The following ZNF586 variants were observed in gnomAD, a reference collection of about 807,000 sequenced individuals.
ZNF586 encodes the protein zinc finger protein 586.
In ZNF586, 7 loss-of-function variants were observed where a neutral mutation model predicts 6.7. The ratio of observed to expected loss-of-function variants is 1.04; its 90% confidence interval spans 0.59 to 1.95. ZNF586 has a LOEUF of 1.95. Among genes scored for constraint, ZNF586 ranks in the 30% most tolerant of loss-of-function variants. The pLI is 0.00. For missense variants in ZNF586, 442 were observed against 489.6 expected (o/e 0.90, Z 0.92); for synonymous variants, 166 against 168.7 (o/e 0.98, Z 0.12).
At chr19:57,775,016 T>C (rs77910681) in intron 1 of ZNF586, among the ~76,000 whole-genome samples, 1 of 151,492 alleles carries the variant, frequency 6.6e-6, no homozygotes, top group African/African-American at 2.4e-5. Context: ...TTTTTTTTTT[T>C]TGAGACGGAG....
rs916009708 is a variant in ZNF586, at chr19:57,779,972, G to C, written c.*176G>C. 8.4e-6 allele frequency: 5 copies of C among 596,726 alleles called. No individual in the cohort carries two copies. In the Middle Eastern group the frequency reaches 9.0e-4, roughly 107 times the overall value. 37.0% of individuals were successfully genotyped at this position (596,726 alleles called of 1,614,324 possible). A position where few individuals can be genotyped will look rare whatever the true frequency, so the allele number is the denominator to read the frequency against. ...GAAGTGCCTTTTGAGTGCAATGAATGTGAGAAAGCCTTCAGCCCTCTCTCA... is the reference window on the plus strand; with the variant it reads ...GAAGTGCCTTTTGAGTGCAATGAATCTGAGAAAGCCTTCAGCCCTCTCTCA... On this transcript the variant is annotated 3_prime_UTR_variant, in exon 3 of 3. Transcript: ENST00000396154.
At chr19:57,775,184 A>T (rs577285379) in intron 1 of ZNF586, among the ~76,000 whole-genome samples, 1 of 151,972 alleles carries the variant, frequency 6.6e-6, no homozygotes, top group Admixed American at 6.6e-5. Flanking sequence ...TTTAGTAGAG[A>T]CGGGGTTTCA....
intron 2 of ZNF586, among the ~76,000 whole-genome samples, chr19:57,778,073 CTT>C (rs35697388): frequency 1.1e-4 from 14 of 131,502 alleles, no homozygotes; most frequent in African/African-American, 2.8e-4. Context: ...AGTATATAAT[CTT>C]TTTTTTTTTT....
At chr19:57,774,128 A>G (rs1371286830) in intron 1 of ZNF586, among the ~76,000 whole-genome samples, 2 of 150,624 alleles carry the variant, frequency 1.3e-5, no homozygotes, top group Non-Finnish European at 2.9e-5. Context: ...AGACAGGAGA[A>G]TCGCTTGAAC....
chr19:57,771,559 A>G (rs1421302298), intron 1 of ZNF586, among the ~76,000 whole-genome samples: 1 of 152,184 alleles, frequency 6.6e-6, no homozygotes, highest in Non-Finnish European at 1.5e-5. Context: ...TCTGTCAACT[A>G]ATGTAACACA....
chr19:57,779,661 C>G lies in ZNF586; in HGVS notation c.1074C>G (p.Ser358=). The G allele has an allele frequency of 1.2e-6, 2 of 1,613,468 alleles. No homozygotes were observed. The highest frequency in any genetic ancestry group is 2.7e-5 in the African/African-American group (2 of 74,884). Residue 358 remains serine, a synonymous_variant, in exon 3 of 3, where the codon TCC becomes TCG. Coordinates refer to ENST00000396154, the MANE Select transcript of ZNF586 (RefSeq NM_017652.4). ...SDCGKSFAEN[S]SLIKHLRVHT... ...GTGGGAAATCCTTTGCTGAAAACTC[C>G]AGCCTTATTAAACACTTGAGAGTTC...
chr19:57,769,907 C>CCCCCCA, intron 1 of ZNF586, 29 bp downstream of exon 1: 5 of 1,496,630 alleles, frequency 3.3e-6, no homozygotes, highest in Non-Finnish European at 4.5e-6. Context: ...GGGCCTTACC[C>CCCCCCA]ACCCTACCCA....
In ZNF586 at chr19:57,779,450, G is replaced by C. The variant is rs767560068; in HGVS notation, c.863G>C (p.Arg288Thr). Reference sequence around the variant, plus strand: ...CATCAGAGAGTTCACACTAGAGAAAGGCCTTATGAATGTAGTGAATGTGGG... The same window carrying C: ...CATCAGAGAGTTCACACTAGAGAAACGCCTTATGAATGTAGTGAATGTGGG... Reference protein sequence around the residue: ...LQHQRVHTRERPYECSECGKS... With the variant: ...LQHQRVHTRETPYECSECGKS... Residue 288 changes from arginine to threonine, a missense_variant, in exon 3 of 3, where the codon AGG (arginine) becomes ACG (threonine). Coordinates refer to ENST00000396154, the MANE Select transcript of ZNF586 (RefSeq NM_017652.4). 1.2e-6 allele frequency: 2 copies of C among 1,614,098 alleles called. No individual in the cohort carries two copies. The highest frequency in any genetic ancestry group is 8.5e-7 in the Non-Finnish European group (1 of 1,180,044).
At chr19:57,776,985 G>C (rs1259661601) in intron 2 of ZNF586, among the ~76,000 whole-genome samples, 1 of 152,082 alleles carries the variant, frequency 6.6e-6, no homozygotes, top group Non-Finnish European at 1.5e-5. Flanking sequence ...CTCAAGTTCC[G>C]TTTCCCTCCT....
chr19:57,777,835 A>G (rs1439306187), intron 2 of ZNF586, among the ~76,000 whole-genome samples: 1 of 139,694 alleles, frequency 7.2e-6, no homozygotes, highest in Non-Finnish European at 1.5e-5. Flanking sequence ...GGCTCACTGC[A>G]ACCTCCGCCT....
At chr19:57,776,457 G>T in intron 1 of ZNF586, 86 bp from the exon 2 acceptor site, 1 of 1,481,248 alleles carries the variant, frequency 6.8e-7, no homozygotes, top group South Asian at 1.4e-5. Flanking sequence ...GGAGGAGGAT[G>T]GGCAAGGGTA....
chr19:57,773,815 T>C (rs1987156080), intron 1 of ZNF586, among the ~76,000 whole-genome samples: 1 of 152,200 alleles, frequency 6.6e-6, no homozygotes, highest in Non-Finnish European at 1.5e-5. Context: ...GGGTGTTTGA[T>C]TCAGCCTGGT....
Position 57,772,979 on chromosome 19 carries a change from C to G in ZNF586, c.36+3101C>G, listed in dbSNP as rs1473263697. On this transcript the variant is annotated intron_variant, in intron 1 of 2. Transcript: ENST00000396154. Reference sequence around the variant, plus strand: ...CTAGGGGTTTCCAACCATCAGTCAACTCATTGCCATTCAAAGTCACTTATA... The same window carrying G: ...CTAGGGGTTTCCAACCATCAGTCAAGTCATTGCCATTCAAAGTCACTTATA... Among the ~76,000 whole-genome samples the G allele has an allele frequency of 2.0e-5, 3 of 152,130 alleles. 1 individual carries two copies. The East Asian group carries it at 5.8e-4, about 29-fold the overall frequency.
chr19:57,780,031 C>A lies in ZNF586; in HGVS notation c.*235C>A. The A allele has an allele frequency of 1.9e-6, 1 of 520,790 alleles. No homozygotes were observed. Among genetic ancestry groups the A allele is most frequent in the Non-Finnish European group, 3.4e-6 (1 of 298,284 alleles). The allele number at this position is 520,790 out of a possible 1,614,324, so 32.3% of individuals were successfully genotyped here. On this transcript the variant is annotated 3_prime_UTR_variant, in exon 3 of 3. Coordinates refer to ENST00000396154, the MANE Select transcript of ZNF586 (RefSeq NM_017652.4). ...CACAATATTTACATGAGGAAAATAC[C>A]ACAGATGTGGAGGTAATATTATTTT...
intron 1 of ZNF586, among the ~76,000 whole-genome samples, chr19:57,775,798 C>T (rs1475635049): frequency 1.3e-5 from 2 of 152,162 alleles, no homozygotes; most frequent in Non-Finnish European, 2.9e-5. Flanking sequence ...GACGGGGTTT[C>T]ACCTTGTTGG....
intron 1 of ZNF586, among the ~76,000 whole-genome samples, chr19:57,770,348 C>T (rs1424645773): frequency 6.6e-6 from 1 of 151,946 alleles, no homozygotes; most frequent in Non-Finnish European, 1.5e-5. Flanking sequence ...TGGCCTCGAA[C>T]TCCTGACCTT....
Position 57,779,710 on chromosome 19 carries a change from T to C in ZNF586, c.1123T>C (p.Cys375Arg). 1.2e-6 allele frequency: 2 copies of C among 1,613,942 alleles called. No individual in the cohort carries two copies. Among genetic ancestry groups the C allele is most frequent in the Middle Eastern group, 1.6e-4 (1 of 6,062 alleles). Residue 375 changes from cysteine (C) to arginine (R), a missense_variant, in exon 3 of 3, where the codon TGC becomes CGC. By Grantham distance (180) the Cys-to-Arg change is radical. Transcript: ENST00000396154. Reference protein sequence around the residue: ...RVHTGERPYECIDCGKSFRHS... With the variant: ...RVHTGERPYERIDCGKSFRHS... Reference sequence around the variant, plus strand: ...TCACACTGGAGAAAGGCCATATGAATGCATTGATTGTGGAAAATCATTTCG... The same window carrying C: ...TCACACTGGAGAAAGGCCATATGAACGCATTGATTGTGGAAAATCATTTCG...
At position 57,779,241 on chromosome 19, in the gene ZNF586, A is replaced by G. The variant is rs761257797; in HGVS notation, c.654A>G (p.Thr218=). ...AATGTGGGAAGTCCTTTGCTTATAC[A>G]TCTAGTCTCATTAAACACAGGAGGA... The part of the protein sequence containing the change: ...CNECGKSFAY[T]SSLIKHRRIH... The change falls in exon 3 of 3, where the codon ACA becomes ACG. Residue 218 remains threonine, a synonymous_variant. Transcript: ENST00000396154. The G allele has an allele frequency of 6.2e-7, 1 of 1,613,742 alleles. No individual in the cohort carries two copies. Among genetic ancestry groups the G allele is most frequent in the South Asian group, 1.1e-5 (1 of 91,050 alleles).
Position 57,779,569 on chromosome 19 carries a change from C to A in ZNF586, c.982C>A (p.Arg328=), listed in dbSNP as rs756114389. The A allele has an allele frequency of 8.1e-6, 13 of 1,611,890 alleles. No homozygotes were observed. In the South Asian group the frequency reaches 1.4e-4, roughly 18 times the overall value. The change falls in exon 3 of 3, where the codon CGA becomes AGA. Residue 328 remains arginine, a synonymous_variant. Coordinates refer to ENST00000396154, the MANE Select transcript of ZNF586 (RefSeq NM_017652.4). ...ECGQCGKSFS[R]KSSLIIHLRV... The stretch of plus-strand genomic sequence containing the variant: ...CGGGCAGTGTGGGAAATCCTTTAGC[C>A]GAAAATCTAGCCTTATTATACATCT...
Sources: allele counts gnomAD v4.1 joint callset (sites outside exome capture counted in the v4.1 genomes callset), GRCh38; gene constraint gnomAD v4.1.1; transcripts MANE v1.5; gene names NCBI Gene and HGNC (gene_info 2026-07-23, HGNC 2026-07-21).